The following CHRM3 variants were observed in gnomAD, a reference collection of about 807,000 sequenced individuals.
CHRM3 encodes the protein muscarinic acetylcholine receptor M3.
CHRM3 carries 11 observed loss-of-function variants against 41.8 expected under a neutral mutation model. The observed-to-expected ratio is 0.26, with a 90% confidence interval of 0.17 to 0.44. CHRM3 has a LOEUF of 0.44. Ranked by LOEUF, CHRM3 falls within the 20% of genes least tolerant of loss-of-function variation. The pLI is 1.00. For synonymous variants in CHRM3, 297 were observed against 301.4 expected, an observed-to-expected ratio of 0.99 and a Z score of 0.15; for missense variants, 571 against 745.4, an observed-to-expected ratio of 0.77 and a Z score of 2.72.
At position 239,417,929 on chromosome 1, in the gene CHRM3, A is replaced by G. The variant is rs551531272; in HGVS notation, c.-521+30702A>G. Among the ~76,000 whole-genome samples the G allele has an allele frequency of 1.4e-4, 22 of 152,310 alleles. No individual in the cohort carries two copies. The South Asian group carries it at 1.5e-3, about 10-fold the overall frequency. ...GGAATTTCTTATTTACCGTCACTAA[A>G]CATTTGCTTCTGAATTAAAAACTGT... On this transcript the variant is annotated intron_variant, in intron 1 of 6. Transcript: ENST00000676153.
intron 4 of CHRM3, among the ~76,000 whole-genome samples, chr1:239,674,961 AATTTT>A (rs1657842481): frequency 6.6e-6 from 1 of 152,008 alleles, no homozygotes. Flanking sequence ...CTGCTTCTCT[AATTTT>A]ATCTACCTTC....
chr1:239,532,106 G>A (rs1303312462), intron 2 of CHRM3, among the ~76,000 whole-genome samples: 52 of 129,644 alleles, frequency 4.0e-4, no homozygotes, highest in Admixed American at 1.4e-3. Flanking sequence ...TCCGCCTCCC[G>A]GGTTCACACC....
intron 2 of CHRM3, among the ~76,000 whole-genome samples, chr1:239,526,337 C>T (rs1298042325): frequency 6.6e-6 from 1 of 152,178 alleles, no homozygotes; most frequent in East Asian, 1.9e-4. Flanking sequence ...TGAAATCTTA[C>T]TTTCTGAACA....
intron 1 of CHRM3, among the ~76,000 whole-genome samples, chr1:239,455,196 C>T (rs1225251918): frequency 6.6e-6 from 1 of 152,050 alleles, no homozygotes; most frequent in African/African-American, 2.4e-5. Flanking sequence ...AGATTACAAG[C>T]ATACGCTACC....
chr1:239,679,679 A>C (rs1325162336), intron 5 of CHRM3, among the ~76,000 whole-genome samples: 4 of 152,174 alleles, frequency 2.6e-5, no homozygotes, highest in African/African-American at 7.2e-5. Context: ...AGAAATTGCA[A>C]CTGGTCATCT....
chr1:239,475,846 T>C (rs1459059859), intron 1 of CHRM3, among the ~76,000 whole-genome samples: 1 of 152,162 alleles, frequency 6.6e-6, no homozygotes, highest in Non-Finnish European at 1.5e-5. Flanking sequence ...TTTCAACATA[T>C]AGTGGAAATT....
chr1:239,908,582 C>G lies in CHRM3; in HGVS notation c.1131C>G (p.Ile377Met), dbSNP rs2103052658. ...IVLKLPGHST[I>M]LNSTKLPSSD... ...TCAAGCTTCCGGGTCACAGCACCAT[C>G]CTCAACTCCACCAAGTTACCCTCAT... The change falls in exon 7 of 7, where the codon ATC (isoleucine) becomes ATG (methionine). Residue 377 changes from isoleucine (I) to methionine (M), a missense_variant. Physicochemically the swap from Ile to Met is conservative, Grantham distance 10. Transcript: ENST00000676153. The surrounding 1 kb of genome is among the most constrained non-coding windows in gnomAD (Gnocchi z 7.2). 6.3e-7 allele frequency: 1 copy of G among 1,596,822 alleles called. No individual in the cohort carries two copies. Among genetic ancestry groups the G allele is most frequent in the Admixed American group, 1.7e-5 (1 of 57,854 alleles).
chr1:239,550,364 T>C lies in CHRM3; in HGVS notation c.-313+4615T>C, dbSNP rs1056280413. Among the ~76,000 whole-genome samples the C allele has an allele frequency of 7.9e-5, 12 of 152,230 alleles. 1 individual carries two copies. Among genetic ancestry groups the C allele is most frequent in the Admixed American group, 5.2e-4 (8 of 15,280 alleles). On this transcript the variant is annotated intron_variant, in intron 3 of 6. Transcript: ENST00000676153. ...TACTTCTTTTGCAATGCTTTGTTGATGTACCAACTACCTCACTATGGTGTT... is the reference window on the plus strand; with the variant it reads ...TACTTCTTTTGCAATGCTTTGTTGACGTACCAACTACCTCACTATGGTGTT...
intron 5 of CHRM3, among the ~76,000 whole-genome samples, chr1:239,769,816 G>A (rs1667516699): frequency 6.6e-6 from 1 of 152,082 alleles, no homozygotes; most frequent in African/African-American, 2.4e-5. Flanking sequence ...AGGAGGCAGA[G>A]GTTGCAGTGA....
At chr1:239,830,904 C>T (rs1003405615) in intron 6 of CHRM3, among the ~76,000 whole-genome samples, 24 of 152,128 alleles carry the variant, frequency 1.6e-4, no homozygotes, top group African/African-American at 5.8e-4. Flanking sequence ...GTCCTAATTT[C>T]AGAACACTTA....
At chr1:239,798,821 A>G (rs1327086300) in intron 5 of CHRM3, among the ~76,000 whole-genome samples, 2 of 152,218 alleles carry the variant, frequency 1.3e-5, no homozygotes, top group Non-Finnish European at 2.9e-5. Flanking sequence ...AGGTGCTGGT[A>G]AGTAGAAATA....
At chr1:239,899,551 A>AGT (rs1433987797) in intron 6 of CHRM3, among the ~76,000 whole-genome samples, 1 of 148,876 alleles carries the variant, frequency 6.7e-6, no homozygotes, top group African/African-American at 2.5e-5. Flanking sequence ...CGGACCAATT[A>AGT]GTGTGTGTGT....
chr1:239,394,486 T>A (rs753912546), intron 1 of CHRM3, among the ~76,000 whole-genome samples: 1 of 152,188 alleles, frequency 6.6e-6, no homozygotes, highest in Non-Finnish European at 1.5e-5. Flanking sequence ...CTTCATCACA[T>A]CACATCTTTT....
intron 5 of CHRM3, among the ~76,000 whole-genome samples, chr1:239,795,543 T>C (rs900349781): frequency 6.6e-6 from 1 of 152,186 alleles, no homozygotes; most frequent in Non-Finnish European, 1.5e-5. Context: ...TTTCAGTCCT[T>C]GTAAACTGTC....
chr1:239,531,514 G>A (rs1040582715), intron 2 of CHRM3, among the ~76,000 whole-genome samples: 2 of 151,890 alleles, frequency 1.3e-5, no homozygotes, highest in South Asian at 2.1e-4. Flanking sequence ...GGAAAGTAAC[G>A]TTTTCTGGTA....
Position 239,407,792 on chromosome 1 carries a change from TA to T in CHRM3, c.-521+20573del, listed in dbSNP as rs1166201712. 2.6e-5 allele frequency among the ~76,000 whole-genome samples: 4 copies of T among 151,930 alleles called. No individual in the cohort carries two copies. In the South Asian group the frequency reaches 6.2e-4, roughly 24 times the overall value. On this transcript the variant is annotated intron_variant, in intron 1 of 6. Coordinates refer to ENST00000676153, the MANE Select transcript of CHRM3 (RefSeq NM_001375978.1). ...GAGAACCAACTTGTTAGTTTCTAAT[TA>T]AAAAAAATTAATGTAAATGCTCATT... is the stretch of plus-strand genomic sequence containing the variant.
intron 1 of CHRM3, among the ~76,000 whole-genome samples, chr1:239,467,333 G>A (rs531374592): frequency 1.6e-4 from 25 of 151,952 alleles, no homozygotes; most frequent in African/African-American, 5.3e-4. Flanking sequence ...ACAGATTCTC[G>A]CTCTGTCACC....
intron 5 of CHRM3, among the ~76,000 whole-genome samples, chr1:239,745,499 T>C (rs914502039): frequency 3.9e-5 from 6 of 152,138 alleles, no homozygotes; most frequent in African/African-American, 1.4e-4. Context: ...ACTTTTTCTT[T>C]TTTTATTATT....
chr1:239,539,047 G>T (rs1278280030), intron 2 of CHRM3, among the ~76,000 whole-genome samples: 5 of 152,106 alleles, frequency 3.3e-5, no homozygotes, highest in Admixed American at 2.6e-4. Flanking sequence ...ATCACCATTT[G>T]CCCCAGGCCC....
Sources: allele counts gnomAD v4.1 joint callset (sites outside exome capture counted in the v4.1 genomes callset), GRCh38; gene constraint gnomAD v4.1.1; non-coding constraint Gnocchi (gnomAD v3.1); transcripts MANE v1.5; gene names NCBI Gene and HGNC (gene_info 2026-07-23, HGNC 2026-07-21).